IL1RAPL1: variants seen among roughly 807,000 people sequenced by gnomAD.
The protein encoded by IL1RAPL1 is interleukin-1 receptor accessory protein-like 1.
In IL1RAPL1, 3 loss-of-function variants were observed where a neutral mutation model predicts 48.4. The observed-to-expected ratio is 0.06, with a 90% CI of 0.03 to 0.16. The LOEUF (loss-of-function observed/expected upper bound fraction) is 0.16, where lower values mean the gene tolerates loss of function less well. Ranked by LOEUF, IL1RAPL1 falls within the 10% of genes least tolerant of loss-of-function variation. The probability of loss-of-function intolerance (pLI) is 1.00; values close to 1 mark genes in which losing one functional copy is unlikely to be tolerated. For missense variants in IL1RAPL1, 349 were observed against 530.6 expected (o/e 0.66, Z 3.36); for synonymous variants, 185 against 187.7 (o/e 0.99, Z 0.12).
chrX:29,122,409 TCA>T (rs59677285), intron 2 of IL1RAPL1, among the ~76,000 whole-genome samples: 3,588 of 64,432 alleles, frequency 0.056, 106 homozygotes, highest in Middle Eastern at 0.14. Context: ...TCTCTCTCTC[TCA>T]CACACACACA....
intron 5 of IL1RAPL1, among the ~76,000 whole-genome samples, chrX:29,644,414 A>G (rs1925259134): frequency 8.9e-6 from 1 of 111,810 alleles, no homozygotes; most frequent in Non-Finnish European, 1.9e-5. Flanking sequence ...CTGCACCTAT[A>G]CATGTCCCTC....
chrX:29,364,486 C>T (rs931136666), intron 3 of IL1RAPL1, among the ~76,000 whole-genome samples: 1 of 105,965 alleles, frequency 9.4e-6, no homozygotes, highest in Non-Finnish European at 1.9e-5. Context: ...TTGCTTGAAC[C>T]CGGGAGGTGG....
chrX:29,791,810 A>G (rs1929644825), intron 6 of IL1RAPL1, among the ~76,000 whole-genome samples: 1 of 103,756 alleles, frequency 9.6e-6, no homozygotes, highest in African/African-American at 3.6e-5. Context: ...AGCTCACTGC[A>G]ACCTCTGCCT....
intron 5 of IL1RAPL1, among the ~76,000 whole-genome samples, chrX:29,465,263 A>G (rs1315393118): frequency 9.1e-6 from 1 of 110,254 alleles, no homozygotes; most frequent in Non-Finnish European, 1.9e-5. Context: ...AAAATCAGCC[A>G]GGCATGGTGA....
chrX:29,728,671 T>G (rs1454338610), intron 6 of IL1RAPL1, among the ~76,000 whole-genome samples: 1 of 112,401 alleles, frequency 8.9e-6, no homozygotes, highest in Non-Finnish European at 1.9e-5. Context: ...GTGAAATAAG[T>G]TGCTCAGAGT....
At chrX:29,451,820 A>G (rs1161021741) in intron 5 of IL1RAPL1, among the ~76,000 whole-genome samples, 1 of 112,141 alleles carries the variant, frequency 8.9e-6, no homozygotes, top group African/African-American at 3.2e-5. Flanking sequence ...GTGGTTCAAC[A>G]AAATAGAAAA....
At chrX:29,082,425 A>G (rs1927863252) in intron 2 of IL1RAPL1, among the ~76,000 whole-genome samples, 1 of 112,517 alleles carries the variant, frequency 8.9e-6, no homozygotes, top group African/African-American at 3.2e-5. Context: ...AACATTTACA[A>G]TGAAGCTGCA....
chrX:29,918,901 A>AAGTT (rs1932825278), intron 7 of IL1RAPL1, among the ~76,000 whole-genome samples: 1 of 112,476 alleles, frequency 8.9e-6, no homozygotes, highest in Non-Finnish European at 1.9e-5. Context: ...AATAATAAGT[A>AAGTT]AGTTACAACC....
chrX:29,803,937 C>A (rs1930189920), intron 6 of IL1RAPL1, among the ~76,000 whole-genome samples: 1 of 110,795 alleles, frequency 9.0e-6, no homozygotes, highest in Non-Finnish European at 1.9e-5. Flanking sequence ...GGCTTTAGAT[C>A]TGAGTGTTTT....
At chrX:29,683,223 TA>T (rs992288307) in intron 6 of IL1RAPL1, among the ~76,000 whole-genome samples, 1 of 111,632 alleles carries the variant, frequency 9.0e-6, no homozygotes, top group African/African-American at 3.3e-5. Flanking sequence ...GCTAGGTAGG[TA>T]GATAGGTAGA....
At chrX:29,142,698 ATT>A (rs11449399) in intron 2 of IL1RAPL1, among the ~76,000 whole-genome samples, 1 of 104,225 alleles carries the variant, frequency 9.6e-6, no homozygotes, top group Non-Finnish European at 2.0e-5. Context: ...ATGTTAGAGA[ATT>A]TTTTTTTTTT....
chrX:29,442,947 C>A (rs1602237172), intron 5 of IL1RAPL1, among the ~76,000 whole-genome samples: 1 of 109,224 alleles, frequency 9.2e-6, no homozygotes, highest in African/African-American at 3.3e-5. Context: ...TAATAAAATA[C>A]CTAAAATATT....
At chrX:28,922,429 A>T (rs1428204334) in intron 2 of IL1RAPL1, among the ~76,000 whole-genome samples, 1 of 111,828 alleles carries the variant, frequency 8.9e-6, no homozygotes, top group Non-Finnish European at 1.9e-5. Flanking sequence ...ACTGTTGGCA[A>T]TGCTGAAAGT....
At chrX:29,853,604 G>A (rs918817555) in intron 6 of IL1RAPL1, among the ~76,000 whole-genome samples, 1 of 110,911 alleles carries the variant, frequency 9.0e-6, no homozygotes, top group Admixed American at 9.6e-5. Context: ...GAAAAGAATG[G>A]CAATTAAAAG....
At chrX:29,828,436 G>A (rs1428410388) in intron 6 of IL1RAPL1, among the ~76,000 whole-genome samples, 2 of 111,505 alleles carry the variant, frequency 1.8e-5, no homozygotes, top group Admixed American at 9.5e-5. Context: ...CAAGGACTAA[G>A]GTAGAGATGG....
chrX:29,107,410 C>T (rs181375460), intron 2 of IL1RAPL1, among the ~76,000 whole-genome samples: 33 of 112,136 alleles, frequency 2.9e-4, no homozygotes, highest in Non-Finnish European at 5.5e-4. Flanking sequence ...GGCATATGTT[C>T]CTCCTGATAT....
intron 6 of IL1RAPL1, among the ~76,000 whole-genome samples, chrX:29,861,894 T>G (rs975668568): frequency 1.8e-5 from 2 of 111,054 alleles, no homozygotes; most frequent in Non-Finnish European, 3.8e-5. Flanking sequence ...ACACACTCAC[T>G]GAAACACACA....
chrX:28,689,196 G>A (rs1247974780), intron 1 of IL1RAPL1, among the ~76,000 whole-genome samples: 1 of 110,848 alleles, frequency 9.0e-6, no homozygotes, highest in African/African-American at 3.3e-5. Context: ...GTTTGGCTGT[G>A]TCCCCACCCA....
chrX:29,597,149 A>ATTT (rs35180262), intron 5 of IL1RAPL1, among the ~76,000 whole-genome samples: 14 of 55,970 alleles, frequency 2.5e-4, no homozygotes, highest in African/African-American at 9.4e-4. Context: ...TTTGTTGAGG[A>ATTT]TTTTTTTTTT....
Sources: gnomAD v4.1 joint callset for allele counts (sites outside exome capture counted in the v4.1 genomes callset) on GRCh38, gnomAD v4.1.1 for gene constraint, MANE v1.5 for transcripts, NCBI Gene and HGNC (gene_info 2026-07-23, HGNC 2026-07-21) for gene names.